The following SULF2 variants were observed in gnomAD, a reference collection of about 807,000 sequenced individuals.
SULF2 encodes extracellular sulfatase Sulf-2.
In SULF2, 52 loss-of-function variants were observed where a neutral mutation model predicts 107.7. The ratio of observed to expected loss-of-function variants is 0.48; its 90% CI spans 0.39 to 0.61. SULF2 has a LOEUF of 0.61. Among genes scored for constraint, SULF2 ranks in the 20% least tolerant of loss-of-function variants. The pLI, the probability that SULF2 is intolerant of heterozygous loss-of-function variation, is 0.00. For missense variants in SULF2, 993 were observed against 1,177.3 expected (o/e 0.84, Z 2.29); for synonymous variants, 460 against 464.3 (o/e 0.99, Z 0.12).
At chr20:47,659,299 A>G (rs2146369948) in intron 20 of SULF2, 100 bp downstream of exon 20, 2 of 1,053,038 alleles carry the variant, frequency 1.9e-6, no homozygotes, top group East Asian at 2.4e-5. Context: ...GAGAACAAAC[A>G]AAGGGTGGTA....
rs549441102 is a variant in SULF2, at chr20:47,694,738, G to T, written c.568-4443C>A. 2.0e-5 allele frequency among the ~76,000 whole-genome samples: 3 copies of T among 152,168 alleles called. No homozygotes were observed. The highest frequency in any genetic ancestry group is 4.4e-5 in the Non-Finnish European group (3 of 68,030). On this transcript the variant is annotated intron_variant, in intron 4 of 20. Coordinates refer to ENST00000688720, the MANE Select transcript of SULF2 (RefSeq NM_001387048.1). The surrounding 1 kb of genome is among the most constrained non-coding windows in gnomAD (Gnocchi z 4.4). ...CCCTAGGCAAAAGCGTGTTTCCCTC[G>T]AGTGGGCACTCCGCACCGGGCTTCC...
At chr20:47,670,065 C>T (rs1384153066) in intron 11 of SULF2, among the ~76,000 whole-genome samples, 3 of 152,162 alleles carry the variant, frequency 2.0e-5, no homozygotes, top group Non-Finnish European at 2.9e-5. Context: ...TGGAGAGAGA[C>T]TTATCTGCTC....
intron 13 of SULF2, 137 bp from the exon 14 acceptor site, chr20:47,665,430 C>A: frequency 1.4e-6 from 1 of 691,294 alleles, no homozygotes; most frequent in Non-Finnish European, 2.6e-6. Context: ...AGGGCAAGCA[C>A]CGGCATGTCT....
intron 7 of SULF2, among the ~76,000 whole-genome samples, chr20:47,682,553 G>A (rs2087860259): frequency 6.6e-6 from 1 of 152,172 alleles, no homozygotes; most frequent in East Asian, 1.9e-4. Context: ...AGGATGGGAG[G>A]GAAGAGCATT....
chr20:47,689,290 A>G (rs1258446340), intron 5 of SULF2, among the ~76,000 whole-genome samples: 1 of 152,204 alleles, frequency 6.6e-6, no homozygotes, highest in African/African-American at 2.4e-5. Context: ...GGTCTGTGTG[A>G]CCAATAGAAT....
intron 11 of SULF2, among the ~76,000 whole-genome samples, chr20:47,670,879 T>A (rs956889229): frequency 1.3e-5 from 2 of 151,918 alleles, no homozygotes; most frequent in African/African-American, 4.8e-5. Context: ...AATTTCACCA[T>A]AATTTTTTTT....
At chr20:47,670,684 A>G (rs1414393915) in intron 11 of SULF2, among the ~76,000 whole-genome samples, 3 of 526 alleles carry the variant, frequency 5.7e-3, no homozygotes, top group South Asian at 0.083. Context: ...GCAGGGTGGG[A>G]GAGCGGGGTG....
chr20:47,758,160 TC>T (rs2090337549), intron 1 of SULF2, among the ~76,000 whole-genome samples: 2 of 135,350 alleles, frequency 1.5e-5, no homozygotes, highest in East Asian at 2.2e-4. Context: ...AAAAAAGTAT[TC>T]CTTTTTTTTT....
At chr20:47,715,313 C>T (rs1020441170) in intron 3 of SULF2, among the ~76,000 whole-genome samples, 1 of 152,042 alleles carries the variant, frequency 6.6e-6, no homozygotes, top group African/African-American at 2.4e-5. Context: ...CTCCCCTTTC[C>T]CCCGACATTG....
chr20:47,735,449 G>C (rs2089705634), intron 3 of SULF2, among the ~76,000 whole-genome samples: 1 of 152,162 alleles, frequency 6.6e-6, no homozygotes, highest in Admixed American at 6.5e-5. Context: ...GTACTTTCTA[G>C]AGCCAAGTTG....
chr20:47,715,014 G>A (rs1265739577), intron 3 of SULF2, among the ~76,000 whole-genome samples: 1 of 151,934 alleles, frequency 6.6e-6, no homozygotes, highest in Admixed American at 6.6e-5. Flanking sequence ...ACCTCCCCAG[G>A]CTCAAGCTAT....
At chr20:47,735,436 GC>G (rs2089705292) in intron 3 of SULF2, among the ~76,000 whole-genome samples, 1 of 152,172 alleles carries the variant, frequency 6.6e-6, no homozygotes, top group Non-Finnish European at 1.5e-5. Context: ...TGAGTGCATG[GC>G]TGTACTTTCT....
chr20:47,748,825 T>C (rs1270917222), intron 2 of SULF2, among the ~76,000 whole-genome samples: 1 of 152,190 alleles, frequency 6.6e-6, no homozygotes, highest in East Asian at 1.9e-4. Context: ...CTTGTCCCAC[T>C]GTTGCTAATT....
rs1472848353 is a variant in SULF2, at chr20:47,702,558, C to T, written c.528G>A (p.Arg176=). 1.2e-6 allele frequency: 2 copies of T among 1,612,996 alleles called. No homozygotes were observed. The highest frequency in any genetic ancestry group is 1.7e-6 in the Non-Finnish European group (2 of 1,180,014). Residue 176 remains arginine (R), a synonymous_variant, in exon 4 of 21, where the codon CGG becomes CGA. Transcript: ENST00000688720. The part of the protein sequence containing the change: ...NSRFYNYTLC[R]NGVKEKHGSD... ...AGCCGTGCTTCTCTTTCACCCCGTT[C>T]CGACACAGCGTGTAGTTATAAAAGC...
At chr20:47,776,164 T>C (rs757204168) in intron 1 of SULF2, among the ~76,000 whole-genome samples, 3 of 152,254 alleles carry the variant, frequency 2.0e-5, no homozygotes, top group Non-Finnish European at 2.9e-5. Context: ...TGTCAGGCTA[T>C]AGGGGATGGT....
intron 2 of SULF2, among the ~76,000 whole-genome samples, chr20:47,742,927 ATTTTTTTTTTTTTTT>A (rs397837137): frequency 1.2e-4 from 12 of 99,452 alleles, no homozygotes; most frequent in African/African-American, 2.7e-4. Context: ...TCAAAACATG[ATTTTTTTTTTTTTTT>A]TTTTTTTTTT....
intron 2 of SULF2, 97 bp from the exon 3 acceptor site, chr20:47,737,039 G>A: frequency 6.4e-7 from 1 of 1,554,238 alleles, no homozygotes; most frequent in Non-Finnish European, 8.7e-7. Context: ...GGTCTGGAGT[G>A]GGCACATTCT....
chr20:47,699,944 G>A (rs1309526261), intron 4 of SULF2, among the ~76,000 whole-genome samples: 1 of 152,134 alleles, frequency 6.6e-6, no homozygotes, highest in African/African-American at 2.4e-5. Context: ...GTGACTGCCT[G>A]TTCTCTAGTG....
chr20:47,771,256 C>T (rs2090625083), intron 1 of SULF2, among the ~76,000 whole-genome samples: 1 of 151,978 alleles, frequency 6.6e-6, no homozygotes, highest in Admixed American at 6.5e-5. Flanking sequence ...CTCACATGAC[C>T]CAAGGGTGTT....
Sources: allele counts gnomAD v4.1 joint callset (sites outside exome capture counted in the v4.1 genomes callset), GRCh38; gene constraint gnomAD v4.1.1; non-coding constraint Gnocchi (gnomAD v3.1); transcripts MANE v1.5; gene names NCBI Gene and HGNC (gene_info 2026-07-23, HGNC 2026-07-21).